FAM76B: variants seen among roughly 807,000 people sequenced by gnomAD.
FAM76B encodes family with sequence similarity 76 member B.
A neutral mutation model predicts 51.8 loss-of-function variants in FAM76B; 16 were observed. The observed-to-expected ratio is 0.31, with a 90% CI of 0.21 to 0.47. FAM76B has a LOEUF of 0.47. FAM76B is among the 20% of genes least tolerant of loss of function. The pLI is 1.00. For missense variants in FAM76B, 342 were observed against 392.6 expected (o/e 0.87, Z 1.09); for synonymous variants, 166 against 129.5 (o/e 1.28, Z -1.91).
At chr11:95,774,160 C>T (rs1859893982) in intron 9 of FAM76B, among the ~76,000 whole-genome samples, 1 of 151,136 alleles carries the variant, frequency 6.6e-6, no homozygotes, top group Non-Finnish European at 1.5e-5. Context: ...GTGGTGGGAA[C>T]TAGTGTAGGA....
chr11:95,778,892 T>A lies in FAM76B; in HGVS notation c.758A>T (p.Lys253Ile). 1 of 1,611,094 alleles carries A rather than the reference T, an allele frequency of 6.2e-7. No individual in the cohort carries two copies. Among genetic ancestry groups the A allele is most frequent in the Non-Finnish European group, 8.5e-7 (1 of 1,178,108 alleles). The change falls in exon 8 of 10, where the codon AAA becomes ATA. Residue 253 changes from lysine (K) to isoleucine (I), a missense_variant. This residue lies in a region of FAM76B where 230 missense variants were observed against 257.4 expected (regional missense o/e 0.89). Transcript: ENST00000358780. ...TDNFVLISQL[K>I]EEVMSLKRLL... ...ACGCTTAAGTGACATCACTTCTTCT[T>A]TCAATTGACTTATAAGGACAAAATT...
intron 1 of FAM76B, 75 bp from the exon 2 acceptor site, chr11:95,788,638 A>T: frequency 7.0e-7 from 1 of 1,438,842 alleles, no homozygotes; most frequent in Non-Finnish European, 9.6e-7. Context: ...AAAACTGTTT[A>T]CCCAACCTAG....
chr11:95,784,569 T>TACAC (rs1295353487), intron 4 of FAM76B, among the ~76,000 whole-genome samples: 5 of 148,386 alleles, frequency 3.4e-5, no homozygotes, highest in Admixed American at 2.7e-4. Context: ...TGTGTGTATA[T>TACAC]ATACACACAC....
chr11:95,782,777 A>G (rs1372027125), intron 5 of FAM76B, among the ~76,000 whole-genome samples: 2 of 152,222 alleles, frequency 1.3e-5, no homozygotes, highest in African/African-American at 4.8e-5. Context: ...GCTTTTGATA[A>G]GTTATTTAAG....
intron 9 of FAM76B, among the ~76,000 whole-genome samples, chr11:95,774,273 C>T (rs1859900470): frequency 6.6e-6 from 1 of 151,292 alleles, no homozygotes; most frequent in South Asian, 2.1e-4. Flanking sequence ...TATCACATAA[C>T]CCAGTTTTTG....
At chr11:95,782,566 T>G (rs1351755737) in intron 5 of FAM76B, among the ~76,000 whole-genome samples, 1 of 152,116 alleles carries the variant, frequency 6.6e-6, no homozygotes, top group Non-Finnish European at 1.5e-5. Flanking sequence ...GTATCATTAG[T>G]TAAAAATATT....
At chr11:95,779,456 A>T (rs1327010051) in intron 7 of FAM76B, 151 bp downstream of exon 7, 1 of 709,680 alleles carries the variant, frequency 1.4e-6, no homozygotes, top group African/African-American at 1.9e-5. Flanking sequence ...TAAGCTAAAA[A>T]TTTTAAACTA....
rs769720945 is a variant in FAM76B at position 95,789,495 on chromosome 11, C to G, written c.-17G>C. 1.9e-6 allele frequency: 3 copies of G among 1,583,626 alleles called. No homozygotes were observed. Among genetic ancestry groups the G allele is most frequent in the Non-Finnish European group, 2.6e-6 (3 of 1,165,074 alleles). On this transcript the variant is annotated 5_prime_UTR_variant, in exon 1 of 10. Transcript: ENST00000358780. ...GGCCGCCATCCTGCTCCTCAGTCTC[C>G]TCCTCCGCCGCCGCCCGCTCCGAGG...
chr11:95,787,548 A>G (rs779163563), intron 3 of FAM76B, 76 bp downstream of exon 3: 26 of 1,435,002 alleles, frequency 1.8e-5, no homozygotes, highest in Non-Finnish European at 2.3e-5. Context: ...CCAGCAGTAC[A>G]TATTTTTTTA....
intron 4 of FAM76B, among the ~76,000 whole-genome samples, 186 bp downstream of exon 4, chr11:95,785,933 T>C (rs549446080): frequency 3.3e-5 from 5 of 152,330 alleles, no homozygotes; most frequent in East Asian, 3.9e-4. Flanking sequence ...TTTTAAAGTA[T>C]AGTACATGAA....
chr11:95,783,383 TA>T, intron 4 of FAM76B, 119 bp from the exon 5 acceptor site: 2 of 725,110 alleles, frequency 2.8e-6, no homozygotes, highest in Non-Finnish European at 4.5e-6. Context: ...CAAATGCATG[TA>T]TGCACATATT....
intron 3 of FAM76B, 152 bp downstream of exon 3, chr11:95,787,472 C>G: frequency 1.6e-6 from 1 of 611,694 alleles, no homozygotes; most frequent in East Asian, 3.2e-5. Context: ...CATCTCCTGA[C>G]CTTGTGATCC....
intron 7 of FAM76B, chr11:95,779,252 A>C: frequency 1.3e-6 from 1 of 793,358 alleles, no homozygotes; most frequent in Non-Finnish European, 2.0e-6. Context: ...ACTAAAACAA[A>C]GTAACGCTCA....
In FAM76B at chr11:95,770,748, CTT is replaced by C. The variant is rs1228101127; in HGVS notation, c.*811_*812del. ...GTAATCTCAAACATTTTACTAGCAACTTTGATTTCCTTTTGAAATAGGCTTCT... is the reference window on the plus strand; with the variant it reads ...GTAATCTCAAACATTTTACTAGCAACTGATTTCCTTTTGAAATAGGCTTCT... On this transcript the variant is annotated 3_prime_UTR_variant, in exon 10 of 10. Transcript: ENST00000358780. 6.6e-6 allele frequency: 1 copy of C among 151,666 alleles called. No individual in the cohort carries two copies. The highest frequency in any genetic ancestry group is 2.4e-5 in the African/African-American group (1 of 41,354). 9.4% of individuals were successfully genotyped at this position (151,666 alleles called of 1,614,324 possible).
chr11:95,779,974 T>C (rs1434260023), intron 5 of FAM76B, 48 bp from the exon 6 acceptor site: 7 of 1,487,206 alleles, frequency 4.7e-6, no homozygotes, highest in Non-Finnish European at 6.4e-6. Flanking sequence ...ATTTATTTAA[T>C]ACATCTAAAT....
At chr11:95,783,981 G>C (rs2120271786) in intron 4 of FAM76B, among the ~76,000 whole-genome samples, 1 of 152,272 alleles carries the variant, frequency 6.6e-6, no homozygotes, top group Non-Finnish European at 1.5e-5. Flanking sequence ...GTGCTGTATA[G>C]TGTTCCTAGG....
rs1375631889 is a variant in FAM76B, at chr11:95,770,708, CAGTT to C, written c.*849_*852del. 3 of 151,726 alleles carry C rather than the reference CAGTT, an allele frequency of 2.0e-5. No individual in the cohort carries two copies. Among genetic ancestry groups the C allele is most frequent in the African/African-American group, 7.3e-5 (3 of 41,356 alleles). The allele number at this position is 151,726 out of a possible 1,614,324, so 9.4% of individuals were successfully genotyped here. ...ATTTTCTACAATCTATATGCATTAT[CAGTT>C]AGTTCTAAATGTAATCTCAAACATT... On this transcript the variant is annotated 3_prime_UTR_variant, in exon 10 of 10. Coordinates refer to ENST00000358780, the MANE Select transcript of FAM76B (RefSeq NM_144664.5).
At chr11:95,779,104 A>G in intron 7 of FAM76B, 147 bp from the exon 8 acceptor site, 1 of 1,586,798 alleles carries the variant, frequency 6.3e-7, no homozygotes, top group Non-Finnish European at 8.5e-7. Context: ...CAACTGGCAA[A>G]TTACCTTACT....
chr11:95,778,925 C>T lies in FAM76B; in HGVS notation c.725G>A (p.Gly242Glu). The T allele has an allele frequency of 6.2e-7, 1 of 1,610,150 alleles. No homozygotes were observed. Among genetic ancestry groups the T allele is most frequent in the Non-Finnish European group, 8.5e-7 (1 of 1,177,696 alleles). The part of the protein sequence containing the change: ...SSINQSADSG[G>E]TDNFVLISQL... ...ACTTATAAGGACAAAATTGTCTGTT[C>T]CCCCACTATCTGCTGACTGATTTAT... The change falls in exon 8 of 10, where the codon GGA becomes GAA. Residue 242 changes from glycine to glutamate, a missense_variant. This residue lies in a region of FAM76B where 230 missense variants were observed against 257.4 expected (regional missense o/e 0.89). Transcript: ENST00000358780.
Sources: allele counts gnomAD v4.1 joint callset (sites outside exome capture counted in the v4.1 genomes callset), GRCh38; gene constraint gnomAD v4.1.1; regional missense constraint gnomAD v4.1.1; transcripts MANE v1.5; gene names NCBI Gene and HGNC (gene_info 2026-07-23, HGNC 2026-07-21).